The following KATNIP variants were observed in gnomAD, a reference collection of about 807,000 sequenced individuals.
KATNIP encodes the protein katanin interacting protein, also known as katanin-interacting protein.
A neutral mutation model predicts 174.0 loss-of-function variants in KATNIP; 126 were observed. The ratio of observed to expected loss-of-function variants is 0.72; its 90% CI spans 0.63 to 0.84. The LOEUF is 0.84. Among genes scored for constraint, KATNIP ranks in the 40% least tolerant of loss-of-function variants. KATNIP has a pLI of 0.00. For synonymous variants in KATNIP, 810 were observed against 835.7 expected, an observed-to-expected ratio of 0.97 and a Z score of 0.53; for missense variants, 1,958 against 2,109.7, an observed-to-expected ratio of 0.93 and a Z score of 1.41.
At chr16:27,557,556 T>C (rs1055945062) in intron 1 of KATNIP, among the ~76,000 whole-genome samples, 20 of 151,794 alleles carry the variant, frequency 1.3e-4, no homozygotes, top group Non-Finnish European at 2.8e-4. Context: ...GCTGTCCAAG[T>C]AGCTGGGACT....
chr16:27,734,373 G>T (rs981490048), intron 14 of KATNIP, among the ~76,000 whole-genome samples: 11 of 146,170 alleles, frequency 7.5e-5, no homozygotes, highest in African/African-American at 2.8e-4. Context: ...GAGCCACTGC[G>T]CCTGGCCCAT....
rs530776052 is a variant in KATNIP, at chr16:27,736,700, T to C, written c.1744-3341T>C. Among the ~76,000 whole-genome samples the C allele has an allele frequency of 7.2e-5, 11 of 152,204 alleles. No homozygotes were observed. The East Asian group carries it at 1.9e-3, about 27-fold the overall frequency. On this transcript the variant is annotated intron_variant, in intron 14 of 27. Transcript: ENST00000261588. ...GGAGTAGGATTTCTTGTCAGTGCCATAGGAAGTCACTGGGCAGCTTTAAGC... is the reference window on the plus strand; with the variant it reads ...GGAGTAGGATTTCTTGTCAGTGCCACAGGAAGTCACTGGGCAGCTTTAAGC...
chr16:27,693,851 CATT>C (rs2078825234), intron 8 of KATNIP, among the ~76,000 whole-genome samples: 1 of 152,210 alleles, frequency 6.6e-6, no homozygotes, highest in Middle Eastern at 3.4e-3. Flanking sequence ...AACTGGAAGA[CATT>C]ATGAACAAAT....
chr16:27,616,458 G>A (rs2076038574), intron 2 of KATNIP, among the ~76,000 whole-genome samples: 1 of 152,124 alleles, frequency 6.6e-6, no homozygotes. Context: ...GGGCGCAGTG[G>A]CTCACACTTG....
intron 2 of KATNIP, among the ~76,000 whole-genome samples, chr16:27,597,402 C>CTTTTTTT (rs36005993): frequency 2.0e-4 from 9 of 46,126 alleles, no homozygotes; most frequent in Admixed American, 3.4e-4. Flanking sequence ...ATTTTCTTTT[C>CTTTTTTT]TTTTTTTTTT....
intron 1 of KATNIP, among the ~76,000 whole-genome samples, chr16:27,562,939 A>G (rs1279997263): frequency 1.3e-5 from 2 of 152,226 alleles, no homozygotes; most frequent in East Asian, 1.9e-4. Context: ...AGCAGATGAC[A>G]TCTCTACTGC....
chr16:27,645,211 G>T (rs2076922836), intron 5 of KATNIP, among the ~76,000 whole-genome samples: 1 of 152,228 alleles, frequency 6.6e-6, no homozygotes, highest in Non-Finnish European at 1.5e-5. Context: ...TTGATGCCGT[G>T]TAAATAGGTA....
intron 3 of KATNIP, among the ~76,000 whole-genome samples, chr16:27,626,297 A>ATTTGGG (rs1203339814): frequency 6.6e-6 from 1 of 150,632 alleles, no homozygotes; most frequent in Non-Finnish European, 1.5e-5. Context: ...GGTGTTGGAC[A>ATTTGGG]TTTGGGTTGC....
chr16:27,597,143 T>C (rs1243980697), intron 2 of KATNIP, among the ~76,000 whole-genome samples: 5 of 152,096 alleles, frequency 3.3e-5, no homozygotes, highest in Non-Finnish European at 7.4e-5. Context: ...CAGTGAGCCA[T>C]GATCACATTG....
At chr16:27,667,137 A>G (rs1019578263) in intron 6 of KATNIP, among the ~76,000 whole-genome samples, 1 of 152,092 alleles carries the variant, frequency 6.6e-6, no homozygotes, top group African/African-American at 2.4e-5. Context: ...CCTGGGCAAC[A>G]TGGCAAGACC....
intron 12 of KATNIP, 97 bp downstream of exon 12, chr16:27,704,095 G>A (rs965784540): frequency 3.2e-6 from 3 of 933,702 alleles, no homozygotes; most frequent in African/African-American, 1.6e-5. Context: ...GTGGTTAAAT[G>A]AGCATCTCTC....
intron 19 of KATNIP, 64 bp from the exon 20 acceptor site, chr16:27,766,245 C>G: frequency 6.4e-7 from 1 of 1,573,120 alleles, no homozygotes; most frequent in South Asian, 1.2e-5. Context: ...GGGTGGGGGC[C>G]CCACTGTGAT....
intron 2 of KATNIP, among the ~76,000 whole-genome samples, chr16:27,608,776 A>G (rs1022937389): frequency 5.3e-5 from 8 of 152,298 alleles, no homozygotes; most frequent in South Asian, 2.1e-4. Context: ...GGATACCAAT[A>G]AGGACATTGA....
rs2082534139 is a variant in KATNIP at position 27,777,298 on chromosome 16, G to A, written c.4551+269G>A. On this transcript the variant is annotated intron_variant, in intron 25 of 27. Coordinates refer to ENST00000261588, the MANE Select transcript of KATNIP (RefSeq NM_015202.5). The surrounding 1 kb of genome is among the most constrained non-coding windows in gnomAD (Gnocchi z 4.4). ...CCACTGGTTTGGGGCGGTGACCCTG[G>A]GATGGGGAAAACAGGGACCCTGGAT... Among the ~76,000 whole-genome samples the A allele has an allele frequency of 6.6e-6, 1 of 152,132 alleles. No homozygotes were observed. The highest frequency in any genetic ancestry group is 1.5e-5 in the Non-Finnish European group (1 of 68,018).
chr16:27,775,118 G>T, intron 24 of KATNIP, 34 bp downstream of exon 24: 2 of 1,596,572 alleles, frequency 1.3e-6, no homozygotes, highest in Non-Finnish European at 1.7e-6. Flanking sequence ...GCAGCTCCTG[G>T]CCCTCAGGCG....
chr16:27,647,943 G>A (rs1053825160), intron 5 of KATNIP, among the ~76,000 whole-genome samples: 11 of 151,760 alleles, frequency 7.2e-5, no homozygotes, highest in African/African-American at 1.7e-4. Context: ...GAGCTACCAC[G>A]CCTTGACCAC....
At chr16:27,725,509 C>T (rs933116001) in intron 14 of KATNIP, among the ~76,000 whole-genome samples, 1 of 152,164 alleles carries the variant, frequency 6.6e-6, no homozygotes, top group Admixed American at 6.5e-5. Context: ...TGGTGTTCCC[C>T]AGATTAAGTG....
intron 8 of KATNIP, among the ~76,000 whole-genome samples, chr16:27,694,717 A>AC (rs371259094): frequency 3.7e-4 from 56 of 151,744 alleles, no homozygotes; most frequent in African/African-American, 1.4e-3. Flanking sequence ...AATTGCTTGA[A>AC]CCCCAGAGGT....
intron 1 of KATNIP, among the ~76,000 whole-genome samples, chr16:27,564,098 G>T (rs2089996442): frequency 1.3e-5 from 2 of 152,098 alleles, no homozygotes; most frequent in Non-Finnish European, 2.9e-5. Context: ...AGGGGGAGTT[G>T]ACGGGGCCTG....
Sources: gnomAD v4.1 joint callset for allele counts (sites outside exome capture counted in the v4.1 genomes callset) on GRCh38, gnomAD v4.1.1 for gene constraint, Gnocchi (gnomAD v3.1) non-coding constraint, MANE v1.5 for transcripts, NCBI Gene and HGNC (gene_info 2026-07-23, HGNC 2026-07-21) for gene names.